Variants in ZNF716 observed in about 807,000 individuals in gnomAD.
The protein encoded by ZNF716 is zinc finger protein 716.
Under a neutral mutation model 13.4 loss-of-function variants are expected in ZNF716, and 9 were observed. That is an observed-to-expected ratio of 0.67 (90% CI 0.41 to 1.18). The LOEUF (loss-of-function observed/expected upper bound fraction) is 1.18. Among genes scored for constraint, ZNF716 ranks in the 50% most tolerant of loss-of-function variants. The probability of loss-of-function intolerance (pLI) is 0.01; values close to 1 mark genes in which losing one functional copy is unlikely to be tolerated. For missense variants in ZNF716, 581 were observed against 576.6 expected (o/e 1.01, Z -0.08); for synonymous variants, 186 against 195.2 (o/e 0.95, Z 0.39).
chr7:57,452,363 G>A lies in ZNF716; in HGVS notation c.39+2036G>A, dbSNP rs191952178. On this transcript the variant is annotated intron_variant, in intron 1 of 3. Coordinates refer to ENST00000420713, the MANE Select transcript of ZNF716 (RefSeq NM_001159279.1). ...TAAGAAGAAAGCAGGGGCCGGACGC[G>A]GTGGCTCATGCCTGTAATCCTAGCA... is the stretch of plus-strand genomic sequence containing the variant. 1.2e-4 allele frequency among the ~76,000 whole-genome samples: 18 copies of A among 152,038 alleles called. No individual in the cohort carries two copies. In the East Asian group the frequency reaches 2.1e-3, roughly 18 times the overall value.
chr7:57,470,179 T>C lies in ZNF716; in HGVS notation c.*230T>C. The stretch of plus-strand genomic sequence containing the variant: ...CAAGAGAATTTATTTAAAAAAATTT[T>C]TTTGAGACAGAGTCTCACTTTGTCA... On this transcript the variant is annotated 3_prime_UTR_variant, in exon 4 of 4. Coordinates refer to ENST00000420713, the MANE Select transcript of ZNF716 (RefSeq NM_001159279.1). 2.7e-6 allele frequency: 1 copy of C among 375,714 alleles called. No homozygotes were observed. Among genetic ancestry groups the C allele is most frequent in the Non-Finnish European group, 4.5e-6 (1 of 221,320 alleles). 23.3% of individuals were successfully genotyped at this position (375,714 alleles called of 1,614,324 possible). A position where few individuals can be genotyped will look rare whatever the true frequency, so the allele number is the denominator to read the frequency against.
chr7:57,451,994 T>C (rs1789507060), intron 1 of ZNF716, among the ~76,000 whole-genome samples: 2 of 152,112 alleles, frequency 1.3e-5, no homozygotes, highest in African/African-American at 4.8e-5. Flanking sequence ...CTCAAATTCC[T>C]GACCTCAGGT....
Position 57,462,573 on chromosome 7 carries a change from C to T in ZNF716, c.153C>T (p.Asn51=). The change falls in exon 2 of 4, where the codon AAC becomes AAT. Residue 51 remains asparagine, a synonymous_variant. Coordinates refer to ENST00000420713, the MANE Select transcript of ZNF716 (RefSeq NM_001159279.1). The part of the protein sequence containing the change: ...YRDVMLENYR[N]LVSLGIAVSK... ...ATGTGATGTTAGAGAACTACAGAAA[C>T]CTGGTCTCCCTGGGTGAGGAAAACT... 1 of 1,610,576 alleles carries T rather than the reference C, an allele frequency of 6.2e-7. No individual in the cohort carries two copies. Among genetic ancestry groups the T allele is most frequent in the Non-Finnish European group, 8.5e-7 (1 of 1,178,520 alleles).
At chr7:57,462,938 C>T in intron 2 of ZNF716, 135 bp from the exon 3 acceptor site, 1 of 1,266,068 alleles carries the variant, frequency 7.9e-7, no homozygotes, top group Non-Finnish European at 1.1e-6. Flanking sequence ...TTCTAAATAG[C>T]TACAAAGATC....
intron 3 of ZNF716, among the ~76,000 whole-genome samples, chr7:57,467,954 T>G (rs565309932): frequency 1.3e-5 from 2 of 152,222 alleles, no homozygotes; most frequent in South Asian, 4.1e-4. Context: ...TTGGACCGTG[T>G]TGCCCTAATA....
At chr7:57,452,780 G>A (rs547044191) in intron 1 of ZNF716, among the ~76,000 whole-genome samples, 42 of 152,290 alleles carry the variant, frequency 2.8e-4, no homozygotes, top group African/African-American at 9.4e-4. Context: ...ACAGGGTAAT[G>A]TTTCTTCAGC....
intron 3 of ZNF716, 100 bp from the exon 4 acceptor site, chr7:57,468,623 AT>A (rs1789855148): frequency 8.1e-7 from 1 of 1,234,480 alleles, no homozygotes; most frequent in East Asian, 2.6e-5. Context: ...TTGATATGCC[AT>A]TTTGCTAATG....
Position 57,463,264 on chromosome 7 carries a change from C to T in ZNF716, c.262+96C>T, listed in dbSNP as rs181941204. ...AAATGTGGTCTGGGGAGCTGTACTT[C>T]GATGGAAGAGTTTCTGAGAAGCCAG... On this transcript the variant is annotated intron_variant, in intron 3 of 3. Coordinates refer to ENST00000420713, the MANE Select transcript of ZNF716 (RefSeq NM_001159279.1). The T allele has an allele frequency of 1.1e-5, 17 of 1,511,512 alleles. No individual in the cohort carries two copies. In the African/African-American group the frequency reaches 1.4e-4, roughly 12 times the overall value. 93.6% of individuals were successfully genotyped at this position (1,511,512 alleles called of 1,614,324 possible).
chr7:57,455,799 T>C (rs1400162761), intron 1 of ZNF716, among the ~76,000 whole-genome samples: 1 of 152,286 alleles, frequency 6.6e-6, no homozygotes, highest in African/African-American at 2.4e-5. Flanking sequence ...ATTACAGACA[T>C]GAGCCGTCGC....
At chr7:57,465,038 C>T (rs140363203) in intron 3 of ZNF716, among the ~76,000 whole-genome samples, 2 of 152,206 alleles carry the variant, frequency 1.3e-5, no homozygotes, top group Admixed American at 6.5e-5. Context: ...GTGTGTTTCT[C>T]TAGCTATAGT....
At chr7:57,455,931 GT>G (rs202141918) in intron 1 of ZNF716, among the ~76,000 whole-genome samples, 1,820 of 150,142 alleles carry the variant, frequency 0.012, 42 homozygotes, top group African/African-American at 0.042. Flanking sequence ...GGGTTGCATG[GT>G]TTTTTTTGTT....
intron 1 of ZNF716, 133 bp from the exon 2 acceptor site, chr7:57,462,327 C>T: frequency 9.8e-7 from 1 of 1,019,698 alleles, no homozygotes; most frequent in Admixed American, 2.3e-5. Flanking sequence ...TTTAGTCACT[C>T]TTACAAGTCA....
chr7:57,464,377 T>C lies in ZNF716; in HGVS notation c.262+1209T>C, dbSNP rs562102874. Among the ~76,000 whole-genome samples the C allele has an allele frequency of 1.4e-4, 21 of 152,204 alleles. 1 individual carries two copies. In the South Asian group the frequency reaches 3.7e-3, roughly 27 times the overall value. On this transcript the variant is annotated intron_variant, in intron 3 of 3. Coordinates refer to ENST00000420713, the MANE Select transcript of ZNF716 (RefSeq NM_001159279.1). Reference sequence around the variant, plus strand: ...CTCTGGTGATCTGCCCAGCTCAGCATCCCAAAGTTCTGGGATTAAAAGCGT... The same window carrying C: ...CTCTGGTGATCTGCCCAGCTCAGCACCCCAAAGTTCTGGGATTAAAAGCGT...
At chr7:57,460,125 C>T (rs13242487) in intron 1 of ZNF716, among the ~76,000 whole-genome samples, 58,627 of 151,660 alleles carry the variant, frequency 0.39, 11,494 homozygotes, top group East Asian at 0.51. Flanking sequence ...CGGTGGCTCA[C>T]GCCTGTAATC....
intron 2 of ZNF716, 45 bp from the exon 3 acceptor site, chr7:57,463,028 G>T (rs1583720271): frequency 5.0e-6 from 8 of 1,597,648 alleles, no homozygotes; most frequent in East Asian, 4.5e-5. Context: ...GGTAATTAAA[G>T]AATTCAGCCA....
chr7:57,465,829 C>T (rs10249913), intron 3 of ZNF716, among the ~76,000 whole-genome samples: 58,380 of 152,028 alleles, frequency 0.38, 11,424 homozygotes, highest in East Asian at 0.51. Context: ...GTGGCACATA[C>T]ACACCATGGT....
chr7:57,459,784 G>A (rs1789674286), intron 1 of ZNF716, among the ~76,000 whole-genome samples: 2 of 152,194 alleles, frequency 1.3e-5, no homozygotes, highest in Admixed American at 6.5e-5. Context: ...CATTGCTGGT[G>A]TCTGATAGGG....
rs1789941844 is a variant in ZNF716 at position 57,471,742 on chromosome 7, GA to G, written c.*1797del. ...TATTTTTGCAGATGCAGTAAATGGGGAAAATATGTTTAATCAAAAATTAAGT... is the reference window on the plus strand; with the variant it reads ...TATTTTTGCAGATGCAGTAAATGGGGAAATATGTTTAATCAAAAATTAAGT... On this transcript the variant is annotated 3_prime_UTR_variant, in exon 4 of 4. Transcript: ENST00000420713. 1 of 152,134 alleles carries G rather than the reference GA, an allele frequency of 6.6e-6. No individual in the cohort carries two copies. The highest frequency in any genetic ancestry group is 1.5e-5 in the Non-Finnish European group (1 of 68,028). 9.4% of individuals were successfully genotyped at this position (152,134 alleles called of 1,614,324 possible). A position where few individuals can be genotyped will look rare whatever the true frequency, so the allele number is the denominator to read the frequency against.
intron 1 of ZNF716, among the ~76,000 whole-genome samples, chr7:57,462,159 TAAAAA>T (rs35458423): frequency 7.0e-6 from 1 of 143,156 alleles, no homozygotes; most frequent in Non-Finnish European, 1.5e-5. Context: ...AGCCTCGGTT[TAAAAA>T]AAAAAAAAAA....
Sources: gnomAD v4.1 joint callset for allele counts (sites outside exome capture counted in the v4.1 genomes callset) on GRCh38, gnomAD v4.1.1 for gene constraint, MANE v1.5 for transcripts, NCBI Gene and HGNC (gene_info 2026-07-23, HGNC 2026-07-21) for gene names.